PNPLA1: variants seen among roughly 807,000 people sequenced by gnomAD.
PNPLA1 encodes patatin like domain 1, omega-hydroxyceramide transacylase.
In PNPLA1, 36 loss-of-function variants were observed where a neutral mutation model predicts 51.7. The ratio of observed to expected loss-of-function variants is 0.70; its 90% CI spans 0.53 to 0.92. The LOEUF (loss-of-function observed/expected upper bound fraction) is 0.92, where lower values mean the gene tolerates loss of function less well. Among genes scored for constraint, PNPLA1 ranks in the 40% least tolerant of loss-of-function variants. PNPLA1 has a pLI of 0.00. For synonymous variants in PNPLA1, 293 were observed against 280.1 expected (o/e 1.05, Z -0.46); for missense variants, 658 against 682.5 (o/e 0.96, Z 0.40).
intron 1 of PNPLA1, among the ~76,000 whole-genome samples, chr6:36,282,322 G>C (rs1264444324): frequency 6.6e-6 from 1 of 152,212 alleles, no homozygotes; most frequent in African/African-American, 2.4e-5. Flanking sequence ...CAATATTATG[G>C]AAATGGTGTC....
chr6:36,305,990 A>G (rs188554490), intron 6 of PNPLA1, among the ~76,000 whole-genome samples: 2 of 152,066 alleles, frequency 1.3e-5, no homozygotes, highest in African/African-American at 4.8e-5. Flanking sequence ...CCTGGCCTCA[A>G]GTGATCTGCC....
At chr6:36,291,757 C>A (rs182087312) in intron 2 of PNPLA1, among the ~76,000 whole-genome samples, 1 of 152,182 alleles carries the variant, frequency 6.6e-6, no homozygotes, top group Non-Finnish European at 1.5e-5. Flanking sequence ...CAGGCTTGAC[C>A]GCCACCCTCA....
intron 1 of PNPLA1, among the ~76,000 whole-genome samples, chr6:36,258,850 G>A (rs1170137667): frequency 1.3e-5 from 2 of 152,134 alleles, no homozygotes; most frequent in African/African-American, 2.4e-5. Context: ...TTGCATTGTC[G>A]CTCTCCAAGT....
At chr6:36,301,830 GAGTAACA>G in intron 5 of PNPLA1, 24 bp from the exon 6 acceptor site, 1 of 1,596,430 alleles carries the variant, frequency 6.3e-7, no homozygotes, top group Non-Finnish European at 8.6e-7. Flanking sequence ...TGCCAGGGCT[GAGTAACA>G]CCCCATGCTA....
chr6:36,248,245 T>C (rs1769342767), intron 1 of PNPLA1, among the ~76,000 whole-genome samples: 1 of 152,100 alleles, frequency 6.6e-6, no homozygotes, highest in Non-Finnish European at 1.5e-5. Context: ...GGAGAACAGA[T>C]ATAAGGATTC....
intron 1 of PNPLA1, among the ~76,000 whole-genome samples, chr6:36,259,843 AG>A (rs915075831): frequency 6.6e-6 from 1 of 152,106 alleles, no homozygotes; most frequent in Non-Finnish European, 1.5e-5. Context: ...GGAGGGAGGG[AG>A]GAGGGCAAGA....
chr6:36,275,956 C>G (rs917149645), intron 1 of PNPLA1, among the ~76,000 whole-genome samples: 1 of 149,388 alleles, frequency 6.7e-6, no homozygotes. Flanking sequence ...CATTTTCTTT[C>G]TTTCTTTCTT....
upstream of PNPLA1, among the ~76,000 whole-genome samples, chr6:36,270,034 G>A (rs1414147073): frequency 6.6e-6 from 1 of 152,254 alleles, no homozygotes; most frequent in Non-Finnish European, 1.5e-5. Flanking sequence ...TGTTGCAGCT[G>A]AGGGCTGGGC....
chr6:36,249,845 C>T (rs994405011), intron 1 of PNPLA1, among the ~76,000 whole-genome samples: 1 of 152,210 alleles, frequency 6.6e-6, no homozygotes, highest in Non-Finnish European at 1.5e-5. Flanking sequence ...GATATTACCT[C>T]TGTCCTAAGG....
rs1286599769 is a variant in PNPLA1, at chr6:36,270,119, G to C, written c.-341G>C. On this transcript the variant is annotated 5_prime_UTR_variant, in exon 1 of 9. Transcript: ENST00000636260. ...CCCTGGTATACCATGGATGGGCAGA[G>C]GGCTGAGGATCCCGTGCCCGAGATG... is the stretch of plus-strand genomic sequence containing the variant. 6.6e-6 allele frequency among the ~76,000 whole-genome samples: 1 copy of C among 152,252 alleles called. No homozygotes were observed. Among genetic ancestry groups the C allele is most frequent in the African/African-American group, 2.4e-5 (1 of 41,468 alleles).
Position 36,257,193 on chromosome 6 carries a change from C to A in PNPLA1, c.-81+13932C>A, listed in dbSNP as rs1582031219. 4.6e-5 allele frequency among the ~76,000 whole-genome samples: 7 copies of A among 152,306 alleles called. No homozygotes were observed. The South Asian group carries it at 1.0e-3, about 23-fold the overall frequency. On this transcript the variant is annotated intron_variant, in intron 1 of 7. Coordinates refer to the PNPLA1 transcript ENST00000312917. ...ACCCTTCCCTGCATTTGCTGCTCCCCAGGTACTCTCAGTTTGAAGTCCAAA... is the reference window on the plus strand; with the variant it reads ...ACCCTTCCCTGCATTTGCTGCTCCCAAGGTACTCTCAGTTTGAAGTCCAAA...
chr6:36,293,114 T>C lies in PNPLA1; in HGVS notation c.492T>C (p.Thr164=). 1 of 1,613,956 alleles carries C rather than the reference T, an allele frequency of 6.2e-7. No individual in the cohort carries two copies. Among genetic ancestry groups the C allele is most frequent in the Non-Finnish European group, 8.5e-7 (1 of 1,179,902 alleles). The change falls in exon 3 of 9, where the codon ACT becomes ACC. Residue 164 remains threonine, a synonymous_variant. Transcript: ENST00000636260. The stretch of plus-strand genomic sequence containing the variant: ...TGTACTGTGGCCTCATCCCCCCGAC[T>C]TACCGCGGTGTGGTGAGTGCTTCGG... ...VPVYCGLIPP[T]YRGVRYIDGG...
chr6:36,267,081 T>A (rs1769777365), upstream of PNPLA1, among the ~76,000 whole-genome samples: 1 of 152,222 alleles, frequency 6.6e-6, no homozygotes, highest in African/African-American at 2.4e-5. Context: ...ATAAGCAATC[T>A]GTTTCTCCCA....
chr6:36,246,565 G>C (rs978272353), intron 1 of PNPLA1, among the ~76,000 whole-genome samples: 7 of 152,120 alleles, frequency 4.6e-5, no homozygotes, highest in Non-Finnish European at 1.0e-4. Context: ...CTGATAACTT[G>C]TCATTATCAG....
At chr6:36,270,835 G>T (rs1278130781) in intron 1 of PNPLA1, among the ~76,000 whole-genome samples, 171 bp downstream of exon 1, 2 of 152,182 alleles carry the variant, frequency 1.3e-5, no homozygotes, top group Admixed American at 1.3e-4. Flanking sequence ...ACGTTTGAAG[G>T]TTGGGGTCTG....
intron 1 of PNPLA1, among the ~76,000 whole-genome samples, chr6:36,264,832 C>T (rs1769727182): frequency 6.6e-6 from 1 of 152,218 alleles, no homozygotes; most frequent in Non-Finnish European, 1.5e-5. Flanking sequence ...AAAATAACAA[C>T]AGCTCAGGAA....
chr6:36,274,656 T>C (rs1346846758), intron 1 of PNPLA1, among the ~76,000 whole-genome samples: 1 of 152,206 alleles, frequency 6.6e-6, no homozygotes, highest in Non-Finnish European at 1.5e-5. Flanking sequence ...AAAGCAGTTG[T>C]ACCAATTTAA....
chr6:36,245,349 G>A (rs1769246203), intron 1 of PNPLA1, among the ~76,000 whole-genome samples: 1 of 152,122 alleles, frequency 6.6e-6, no homozygotes. Context: ...GTTTCAATAG[G>A]GAACCAAGTA....
chr6:36,293,416 G>C (rs796222924), intron 3 of PNPLA1, among the ~76,000 whole-genome samples: 3 of 152,366 alleles, frequency 2.0e-5, no homozygotes, highest in African/African-American at 7.2e-5. Context: ...TGACAGAGCA[G>C]AGGAGATGAA....
Sources: allele counts gnomAD v4.1 joint callset (sites outside exome capture counted in the v4.1 genomes callset), GRCh38; gene constraint gnomAD v4.1.1; transcripts MANE v1.5; gene names NCBI Gene and HGNC (gene_info 2026-07-23, HGNC 2026-07-21).